LHFPL3: variants seen among roughly 807,000 people sequenced by gnomAD.
The protein encoded by LHFPL3 is LHFPL tetraspan subfamily member 3 protein.
A neutral mutation model predicts 19.3 loss-of-function variants in LHFPL3; 5 were observed. That is an observed-to-expected ratio of 0.26 (90% CI 0.14 to 0.54). LHFPL3 has a LOEUF of 0.54. LHFPL3 is among the 20% of genes least tolerant of loss of function. LHFPL3 has a pLI of 0.94. For synonymous variants in LHFPL3, 133 were observed against 126.2 expected (o/e 1.05, Z -0.36); for missense variants, 249 against 307.4 (o/e 0.81, Z 1.42).
intron 2 of LHFPL3, among the ~76,000 whole-genome samples, chr7:104,763,756 T>G (rs1794413723): frequency 6.6e-6 from 1 of 152,202 alleles, no homozygotes; most frequent in African/African-American, 2.4e-5. Flanking sequence ...ACTTCCTCAT[T>G]GGACCACTTC....
chr7:104,608,483 C>G (rs1328997321), intron 1 of LHFPL3, among the ~76,000 whole-genome samples: 1 of 119,266 alleles, frequency 8.4e-6, no homozygotes, highest in Non-Finnish European at 1.6e-5. Flanking sequence ...ACATCACACT[C>G]CGGGGACTGT....
At chr7:104,671,984 A>G (rs1276016949) in intron 1 of LHFPL3, among the ~76,000 whole-genome samples, 1 of 152,148 alleles carries the variant, frequency 6.6e-6, no homozygotes, top group Non-Finnish European at 1.5e-5. Flanking sequence ...AGAGCTGTGG[A>G]TGCAAGCAAG....
intron 1 of LHFPL3, among the ~76,000 whole-genome samples, chr7:104,690,526 G>A (rs893714486): frequency 6.6e-6 from 1 of 152,222 alleles, no homozygotes; most frequent in Non-Finnish European, 1.5e-5. Flanking sequence ...GGAGCAAGAA[G>A]TAGCAAACAC....
At chr7:104,570,806 A>G (rs1416772428) in intron 1 of LHFPL3, among the ~76,000 whole-genome samples, 1 of 152,180 alleles carries the variant, frequency 6.6e-6, no homozygotes, top group Non-Finnish European at 1.5e-5. Flanking sequence ...CCAGTACCCA[A>G]CAGTTATCTT....
chr7:104,583,103 C>G (rs1044330432), intron 1 of LHFPL3, among the ~76,000 whole-genome samples: 1 of 151,862 alleles, frequency 6.6e-6, no homozygotes, highest in South Asian at 2.1e-4. Flanking sequence ...GTGCTAGTAC[C>G]AAAACAGAGA....
At chr7:104,768,777 T>C (rs1028618764) in intron 2 of LHFPL3, 1 of 152,208 alleles carries the variant, frequency 6.6e-6, no homozygotes, top group Non-Finnish European at 1.5e-5. Context: ...CAGCCCTCTC[T>C]CCAGATGGTC....
At chr7:104,684,960 T>G (rs1305843159) in intron 1 of LHFPL3, among the ~76,000 whole-genome samples, 1 of 152,240 alleles carries the variant, frequency 6.6e-6, no homozygotes, top group African/African-American at 2.4e-5. Flanking sequence ...ATTTCTTTCA[T>G]GGCAGTAAAA....
At chr7:104,766,035 G>A (rs2116384339) in intron 2 of LHFPL3, among the ~76,000 whole-genome samples, 1 of 152,346 alleles carries the variant, frequency 6.6e-6, no homozygotes, top group East Asian at 1.9e-4. Flanking sequence ...AAACCCTGCT[G>A]TATGGCTTGT....
rs550279684 is a variant in LHFPL3, at chr7:104,908,393, A to T, written c.*2178A>T. 4.2e-4 allele frequency among the ~76,000 whole-genome samples: 63 copies of T among 148,772 alleles called. No homozygotes were observed. The highest frequency in any genetic ancestry group is 9.1e-4 in the African/African-American group (37 of 40,698). The stretch of plus-strand genomic sequence containing the variant: ...ATAAGAAGTAGGTTTTTATCTTTTT[A>T]AAAAAAAAACAAAAAAGGTGACTCC... On this transcript the variant is annotated 3_prime_UTR_variant, in exon 3 of 3. Coordinates refer to ENST00000424859, the MANE Select transcript of LHFPL3 (RefSeq NM_199000.3).
intron 1 of LHFPL3, among the ~76,000 whole-genome samples, chr7:104,506,319 C>T (rs1331658456): frequency 6.8e-6 from 1 of 146,228 alleles, no homozygotes; most frequent in African/African-American, 2.5e-5. Context: ...GTTATTCCAT[C>T]GCTGAACTCC....
intron 2 of LHFPL3, among the ~76,000 whole-genome samples, chr7:104,866,915 A>C (rs1791734273): frequency 6.6e-6 from 1 of 152,240 alleles, no homozygotes; most frequent in Admixed American, 6.5e-5. Flanking sequence ...ACTCAGGATT[A>C]AGAAACTCAC....
chr7:104,472,746 C>T (rs1414480293), intron 1 of LHFPL3, among the ~76,000 whole-genome samples: 2 of 152,046 alleles, frequency 1.3e-5, no homozygotes, highest in Non-Finnish European at 2.9e-5. Flanking sequence ...CCCAGCTAAC[C>T]CAGTTTTTTT....
intron 1 of LHFPL3, among the ~76,000 whole-genome samples, chr7:104,656,433 G>A (rs1349045116): frequency 6.6e-6 from 1 of 152,178 alleles, no homozygotes; most frequent in Non-Finnish European, 1.5e-5. Context: ...TTTCCGGGGT[G>A]TGACACTGCT....
At chr7:104,795,501 G>T (rs1047417252) in intron 2 of LHFPL3, among the ~76,000 whole-genome samples, 1 of 152,150 alleles carries the variant, frequency 6.6e-6, no homozygotes, top group Non-Finnish European at 1.5e-5. Flanking sequence ...AGCTTTGCAT[G>T]ACTTGAAAAA....
At chr7:104,824,471 A>G (rs1422942337) in intron 2 of LHFPL3, among the ~76,000 whole-genome samples, 1 of 42,042 alleles carries the variant, frequency 2.4e-5, no homozygotes, top group East Asian at 2.4e-3. Context: ...TTTATATATA[A>G]TATATAATTA....
At chr7:104,615,112 T>C (rs539968811) in intron 1 of LHFPL3, among the ~76,000 whole-genome samples, 17 of 152,228 alleles carry the variant, frequency 1.1e-4, no homozygotes, top group African/African-American at 4.1e-4. Context: ...ACATATATAC[T>C]AAAAGTCTAT....
chr7:104,353,915 GTC>G (rs1323522504), intron 1 of LHFPL3, among the ~76,000 whole-genome samples: 2 of 152,144 alleles, frequency 1.3e-5, no homozygotes, highest in Non-Finnish European at 2.9e-5. Flanking sequence ...TCAATTCCAT[GTC>G]TCTCTATTCC....
intron 1 of LHFPL3, among the ~76,000 whole-genome samples, chr7:104,718,193 G>A (rs190848007): frequency 6.6e-6 from 1 of 152,248 alleles, no homozygotes; most frequent in Non-Finnish European, 1.5e-5. Flanking sequence ...TTTGGGTTAT[G>A]CAAGATGAAT....
At chr7:104,531,005 T>C (rs1210727979) in intron 1 of LHFPL3, among the ~76,000 whole-genome samples, 2 of 151,452 alleles carry the variant, frequency 1.3e-5, no homozygotes, top group African/African-American at 4.8e-5. Context: ...AACAAAAATA[T>C]TGCCTGTATT....
Sources: gnomAD v4.1 joint callset for allele counts (sites outside exome capture counted in the v4.1 genomes callset) on GRCh38, gnomAD v4.1.1 for gene constraint, MANE v1.5 for transcripts, NCBI Gene and HGNC (gene_info 2026-07-23, HGNC 2026-07-21) for gene names.